The following NHS variants were observed in gnomAD, a reference collection of about 807,000 sequenced individuals.
The protein encoded by NHS is NHS actin remodeling regulator.
A neutral mutation model predicts 72.5 loss-of-function variants in NHS; 5 were observed. The observed-to-expected ratio is 0.07, with a 90% confidence interval of 0.04 to 0.14. The LOEUF (loss-of-function observed/expected upper bound fraction) is 0.14. Among genes scored for constraint, NHS ranks in the 10% least tolerant of loss-of-function variants. The pLI is 1.00. For synonymous variants in NHS, 464 were observed against 547.7 expected (o/e 0.85, Z 2.13); for missense variants, 1,072 against 1,355.7 (o/e 0.79, Z 3.29).
At chrX:17,440,924 T>G (rs1485907245) in intron 1 of NHS, among the ~76,000 whole-genome samples, 1 of 111,307 alleles carries the variant, frequency 9.0e-6, no homozygotes, top group Non-Finnish European at 1.9e-5. Context: ...AAGCAGGGAT[T>G]TGGGGAGCCC....
rs781485262 is a variant in NHS, at chrX:17,633,825, T to A, written c.566-53917T>A. On this transcript the variant is annotated intron_variant, in intron 1 of 8. Coordinates refer to ENST00000676302, the MANE Select transcript of NHS (RefSeq NM_001291867.2). The stretch of plus-strand genomic sequence containing the variant: ...AAAACAATGGCAGCATTTCCTTTCA[T>A]TCGCGACAGTCTTTTTATGAGTGAT... Among the ~76,000 whole-genome samples the A allele has an allele frequency of 2.9e-4, 33 of 112,168 alleles. No individual in the cohort carries two copies. In the South Asian group the frequency reaches 0.012, roughly 42 times the overall value.
intron 8 of NHS, among the ~76,000 whole-genome samples, chrX:17,731,324 G>A (rs747132905): frequency 2.4e-3 from 209 of 88,508 alleles, no homozygotes; most frequent in Non-Finnish European, 3.7e-3. Context: ...TGCAACCTCC[G>A]CCTCCCGGGT....
intron 1 of NHS, among the ~76,000 whole-genome samples, chrX:17,566,990 C>T (rs1226761483): frequency 8.9e-6 from 1 of 111,942 alleles, no homozygotes; most frequent in African/African-American, 3.2e-5. Flanking sequence ...ATCTGCCTGT[C>T]AAGCTGAGCC....
chrX:17,387,875 C>T (rs1457078721), intron 1 of NHS, among the ~76,000 whole-genome samples: 1 of 113,102 alleles, frequency 8.8e-6, no homozygotes, highest in African/African-American at 3.2e-5. Context: ...GTGCTTTGCA[C>T]ATGGTTAGCC....
intron 3 of NHS, among the ~76,000 whole-genome samples, chrX:17,705,181 G>T (rs2066288842): frequency 8.9e-6 from 1 of 112,076 alleles, no homozygotes; most frequent in African/African-American, 3.2e-5. Flanking sequence ...TGTTGACCGA[G>T]CACATCTGGA....
chrX:17,396,766 A>G (rs2064477100), intron 1 of NHS, among the ~76,000 whole-genome samples: 2 of 112,017 alleles, frequency 1.8e-5, no homozygotes, highest in Non-Finnish European at 3.8e-5. Flanking sequence ...CAGGAAAAAT[A>G]TATCCACTGA....
chrX:17,623,525 A>T (rs2065784297), intron 1 of NHS, among the ~76,000 whole-genome samples: 1 of 110,297 alleles, frequency 9.1e-6, no homozygotes, highest in Non-Finnish European at 1.9e-5. Flanking sequence ...AGGCTAGGAG[A>T]TGTAGCTTGT....
At chrX:17,514,475 G>A (rs371932434) in intron 1 of NHS, among the ~76,000 whole-genome samples, 10 of 112,089 alleles carry the variant, frequency 8.9e-5, no homozygotes, top group Non-Finnish European at 1.7e-4. Context: ...CCAGTGGTTT[G>A]CCAGGGGCTC....
chrX:17,490,746 C>T (rs1319101583), intron 1 of NHS, among the ~76,000 whole-genome samples: 1 of 112,000 alleles, frequency 8.9e-6, no homozygotes, highest in African/African-American at 3.2e-5. Context: ...ATTGATTCTT[C>T]CTATCCATGA....
In NHS at chrX:17,376,200, G is replaced by T; in HGVS notation, c.443G>T (p.Ser148Ile). Reference protein sequence around the residue: ...QLSDVARHACSLFQELESDIQ... With the variant: ...QLSDVARHACILFQELESDIQ... ...TCGGACGTGGCCCGGCACGCTTGCA[G>T]CCTCTTCCAGGAGCTCGAGAGCGAC... The change falls in exon 1 of 9, where the codon AGC becomes ATC. Residue 148 changes from serine to isoleucine, a missense_variant. Physicochemically the swap from Ser to Ile is moderately radical, Grantham distance 142 (BLOSUM62 -2). Coordinates refer to ENST00000676302, the MANE Select transcript of NHS (RefSeq NM_001291867.2). 3.4e-6 allele frequency: 4 copies of T among 1,190,358 alleles called. No individual in the cohort carries two copies. The highest frequency in any genetic ancestry group is 4.5e-6 in the Non-Finnish European group (4 of 890,678).
intron 1 of NHS, among the ~76,000 whole-genome samples, chrX:17,588,590 G>A (rs775889852): frequency 4.2e-4 from 35 of 84,114 alleles, no homozygotes; most frequent in Admixed American, 1.2e-3. Flanking sequence ...GTTTGTGGGG[G>A]ATTTTTTTTT....
intron 5 of NHS, among the ~76,000 whole-genome samples, chrX:17,722,179 C>T (rs1024727202): frequency 1.8e-5 from 2 of 112,239 alleles, no homozygotes; most frequent in African/African-American, 6.5e-5. Context: ...TCCTTTCACT[C>T]TCTTTTTTTC....
chrX:17,548,966 G>A (rs1225983567), intron 1 of NHS, among the ~76,000 whole-genome samples: 1 of 106,927 alleles, frequency 9.4e-6, no homozygotes, highest in South Asian at 4.4e-4. Flanking sequence ...TTTTTTTTAA[G>A]AACGGGGTTG....
intron 1 of NHS, among the ~76,000 whole-genome samples, chrX:17,500,934 A>T (rs1236784876): frequency 1.2e-5 from 1 of 85,729 alleles, no homozygotes; most frequent in East Asian, 3.5e-4. Context: ...TAAGTGAAAT[A>T]GTGTTGTGTA....
chrX:17,503,408 C>A (rs765781084), intron 1 of NHS, among the ~76,000 whole-genome samples: 3 of 112,252 alleles, frequency 2.7e-5, no homozygotes, highest in Admixed American at 9.4e-5. Flanking sequence ...ATGGTACTTA[C>A]TATGTGTCAG....
intron 3 of NHS, among the ~76,000 whole-genome samples, chrX:17,703,086 T>C (rs765394304): frequency 1.8e-3 from 203 of 110,098 alleles, no homozygotes; most frequent in African/African-American, 6.1e-3. Flanking sequence ...CTGGGCAACA[T>C]TGTGAGACCT....
intron 1 of NHS, among the ~76,000 whole-genome samples, chrX:17,572,515 C>CTTTTTTTTTTTTTT (rs1188248074): frequency 8.3e-4 from 24 of 28,927 alleles, no homozygotes; most frequent in African/African-American, 3.2e-3. Flanking sequence ...TTTTTTTTTG[C>CTTTTTTTTTTTTTT]TTTCCATTTG....
intron 1 of NHS, among the ~76,000 whole-genome samples, chrX:17,588,330 A>G (rs926241999): frequency 1.8e-5 from 2 of 111,769 alleles, no homozygotes; most frequent in African/African-American, 3.3e-5. Flanking sequence ...CTCTGCAGCT[A>G]CTTTCCATCA....
At chrX:17,622,336 C>G (rs1349970959) in intron 1 of NHS, among the ~76,000 whole-genome samples, 1 of 112,728 alleles carries the variant, frequency 8.9e-6, no homozygotes, top group East Asian at 2.8e-4. Flanking sequence ...TTTATCCATC[C>G]CTAGTCAAGG....
Sources: allele counts gnomAD v4.1 joint callset (sites outside exome capture counted in the v4.1 genomes callset), GRCh38; gene constraint gnomAD v4.1.1; transcripts MANE v1.5; gene names NCBI Gene and HGNC (gene_info 2026-07-23, HGNC 2026-07-21).